Variants in FGF12 observed in about 807,000 individuals in gnomAD.
FGF12 encodes the protein fibroblast growth factor 12.
Under a neutral mutation model 23.6 loss-of-function variants are expected in FGF12, and 14 were observed. The observed-to-expected ratio is 0.59, with a 90% CI of 0.39 to 0.93. The LOEUF is 0.93. Among genes scored for constraint, FGF12 ranks in the 40% least tolerant of loss-of-function variants. FGF12 has a pLI of 0.00. For synonymous variants in FGF12, 62 were observed against 77.3 expected (o/e 0.80, Z 1.04); for missense variants, 175 against 217.8 (o/e 0.80, Z 1.24).
chr3:192,384,131 G>A (rs1576933964), intron 2 of FGF12, among the ~76,000 whole-genome samples: 1 of 152,150 alleles, frequency 6.6e-6, no homozygotes, highest in African/African-American at 2.4e-5. Context: ...ATTAGATTTG[G>A]TAAATTAGAC....
At chr3:192,258,401 T>C (rs2108614672) in intron 4 of FGF12, among the ~76,000 whole-genome samples, 1 of 152,286 alleles carries the variant, frequency 6.6e-6, no homozygotes, top group South Asian at 2.1e-4. Flanking sequence ...GAGGTTGCAG[T>C]GAGCTGAAAT....
chr3:192,167,943 T>G (rs1326239052), intron 5 of FGF12, among the ~76,000 whole-genome samples: 1 of 151,284 alleles, frequency 6.6e-6, no homozygotes, highest in Non-Finnish European at 1.5e-5. Flanking sequence ...ATTTTTGTAT[T>G]TTTAGTAGAG....
chr3:192,566,622 T>C (rs927450880), intron 2 of FGF12, among the ~76,000 whole-genome samples: 3 of 152,178 alleles, frequency 2.0e-5, no homozygotes, highest in African/African-American at 7.2e-5. Flanking sequence ...CTGTCTGTTG[T>C]CTCTTTGGCC....
intron 2 of FGF12, among the ~76,000 whole-genome samples, chr3:192,585,660 C>T (rs550893312): frequency 1.6e-4 from 25 of 152,206 alleles, no homozygotes; most frequent in African/African-American, 5.8e-4. Context: ...ACATTTCCTG[C>T]TCAGCCTTAT....
At chr3:192,353,515 G>A (rs951151463) in intron 3 of FGF12, among the ~76,000 whole-genome samples, 6 of 151,786 alleles carry the variant, frequency 4.0e-5, no homozygotes, top group East Asian at 1.9e-4. Context: ...GACTACAGGC[G>A]CCCGCCACCA....
intron 2 of FGF12, among the ~76,000 whole-genome samples, chr3:192,427,766 C>T (rs147174111): frequency 6.6e-6 from 1 of 152,268 alleles, no homozygotes; most frequent in African/African-American, 2.4e-5. Context: ...ATCAATGTCA[C>T]TAAGACTTGG....
rs142656645 is a variant in FGF12 at position 192,273,105 on chromosome 3, T to C, written c.228+62256A>G. 3.6e-3 allele frequency among the ~76,000 whole-genome samples: 552 copies of C among 152,302 alleles called. 3 individuals are homozygous for C. The highest frequency in any genetic ancestry group is 7.0e-3 in the South Asian group (34 of 4,830). ...TTAGTTTTATCACTTTTGGGTAAAG[T>C]GTTCCCTATGAGGGGATTTACTCCT... On this transcript the variant is annotated intron_variant, in intron 4 of 5. Transcript: ENST00000445105.
intron 2 of FGF12, among the ~76,000 whole-genome samples, chr3:192,365,262 TA>T (rs5855420): frequency 0.65 from 91,744 of 141,932 alleles, 31,263 homozygotes; most frequent in East Asian, 0.92. Context: ...AGTAAAAAAT[TA>T]AAAAAAAAAA....
intron 2 of FGF12, among the ~76,000 whole-genome samples, chr3:192,704,704 C>A (rs1407567582): frequency 6.6e-6 from 1 of 152,212 alleles, no homozygotes; most frequent in East Asian, 1.9e-4. Context: ...ACTTCTTTCT[C>A]ACTATGAAAG....
At chr3:192,312,669 G>A (rs1716014049) in intron 4 of FGF12, among the ~76,000 whole-genome samples, 1 of 150,754 alleles carries the variant, frequency 6.6e-6, no homozygotes, top group Non-Finnish European at 1.5e-5. Context: ...AACTTAAAAT[G>A]TTATGCCGTG....
intron 4 of FGF12, among the ~76,000 whole-genome samples, chr3:192,306,790 A>G (rs1278746619): frequency 6.6e-6 from 1 of 152,206 alleles, no homozygotes; most frequent in Non-Finnish European, 1.5e-5. Flanking sequence ...CAGTATAAAT[A>G]AGAGGGACCT....
At chr3:192,223,928 A>C (rs904638797) in intron 4 of FGF12, among the ~76,000 whole-genome samples, 1 of 152,128 alleles carries the variant, frequency 6.6e-6, no homozygotes, top group African/African-American at 2.4e-5. Context: ...GCACTTCCCC[A>C]TAGCCCATAA....
chr3:192,276,863 G>A (rs550079986), intron 4 of FGF12, among the ~76,000 whole-genome samples: 15 of 152,276 alleles, frequency 9.9e-5, no homozygotes, highest in Middle Eastern at 3.4e-3. Flanking sequence ...AAAGGAATAC[G>A]TACTCAGAAA....
At chr3:192,269,230 A>G (rs897731084) in intron 4 of FGF12, among the ~76,000 whole-genome samples, 21 of 152,176 alleles carry the variant, frequency 1.4e-4, no homozygotes, top group Non-Finnish European at 2.9e-5. Context: ...CTACTAAGAC[A>G]TTTTTAAATA....
intron 2 of FGF12, among the ~76,000 whole-genome samples, chr3:192,368,047 T>A (rs1340556168): frequency 6.6e-6 from 1 of 152,182 alleles, no homozygotes; most frequent in Non-Finnish European, 1.5e-5. Flanking sequence ...GTTATTCTTC[T>A]GGGCAAAAGG....
At chr3:192,624,464 A>G (rs1715091629) in intron 2 of FGF12, among the ~76,000 whole-genome samples, 1 of 152,162 alleles carries the variant, frequency 6.6e-6, no homozygotes, top group Non-Finnish European at 1.5e-5. Flanking sequence ...CAGAGAGAAG[A>G]GGAGGAAGGA....
At chr3:192,571,957 T>A (rs1015913899) in intron 2 of FGF12, among the ~76,000 whole-genome samples, 1 of 150,536 alleles carries the variant, frequency 6.6e-6, no homozygotes, top group Non-Finnish European at 1.5e-5. Flanking sequence ...TTTTTTTTTT[T>A]TAATTTTAGT....
At chr3:192,670,179 T>C (rs1238074667) in intron 2 of FGF12, among the ~76,000 whole-genome samples, 2 of 152,330 alleles carry the variant, frequency 1.3e-5, no homozygotes, top group East Asian at 1.9e-4. Context: ...AGCTGTCTTT[T>C]ATTAAGGCAG....
At chr3:192,670,346 TCA>T (rs1437939175) in intron 2 of FGF12, among the ~76,000 whole-genome samples, 2 of 152,128 alleles carry the variant, frequency 1.3e-5, no homozygotes, top group Non-Finnish European at 2.9e-5. Flanking sequence ...TTTGCATTCC[TCA>T]GTTTTAATTT....
Sources: allele counts gnomAD v4.1 joint callset (sites outside exome capture counted in the v4.1 genomes callset), GRCh38; gene constraint gnomAD v4.1.1; transcripts MANE v1.5; gene names NCBI Gene and HGNC (gene_info 2026-07-23, HGNC 2026-07-21).